Variants in PDK1 observed in about 807,000 individuals in gnomAD.
PDK1 encodes the protein [Pyruvate dehydrogenase (acetyl-transferring)] kinase isozyme 1, mitochondrial.
Under a neutral mutation model 54.2 loss-of-function variants are expected in PDK1, and 39 were observed. That is an observed-to-expected ratio of 0.72 (90% CI 0.56 to 0.94). The LOEUF (loss-of-function observed/expected upper bound fraction) is 0.94. Among genes scored for constraint, PDK1 ranks in the 40% least tolerant of loss-of-function variants. PDK1 has a pLI of 0.00. For missense variants in PDK1, 552 were observed against 566.0 expected (o/e 0.98, Z 0.25); for synonymous variants, 221 against 207.1 (o/e 1.07, Z -0.58).
Position 172,564,486 on chromosome 2 carries a change from C to A in PDK1, c.411-17C>A. 1 of 1,592,684 alleles carries A rather than the reference C, an allele frequency of 6.3e-7. No homozygotes were observed. The highest frequency in any genetic ancestry group is 8.6e-7 in the Non-Finnish European group (1 of 1,163,954). On this transcript the variant is annotated splice_polypyrimidine_tract_variant and intron_variant, in intron 3 of 10. Coordinates refer to ENST00000282077, the MANE Select transcript of PDK1 (RefSeq NM_002610.5). ...TTGTCAAAATATTTGGCTGTTTTGA[C>A]AGATGGGTTTGTTTAGCTTTACAGA...
chr2:172,700,325 G>C, the PDK1 span, among the ~76,000 whole-genome samples: 1 of 149,522 alleles, frequency 6.7e-6, no homozygotes, highest in South Asian at 2.1e-4. Context: ...CTTCCCAGAC[G>C]GGGCGGCCGG....
chr2:172,692,568 G>T, the PDK1 span, among the ~76,000 whole-genome samples: 4 of 152,286 alleles, frequency 2.6e-5, no homozygotes, highest in East Asian at 7.7e-4. Flanking sequence ...ATTACAAGCT[G>T]CTGAGCAAAG....
chr2:172,651,430 C>T, the PDK1 span, among the ~76,000 whole-genome samples: 1 of 152,072 alleles, frequency 6.6e-6, no homozygotes, highest in Admixed American at 6.6e-5. Context: ...GAAGCAAGAG[C>T]AAACACATTC....
chr2:172,702,122 G>A, the PDK1 span, among the ~76,000 whole-genome samples: 2 of 152,258 alleles, frequency 1.3e-5, no homozygotes, highest in Non-Finnish European at 2.9e-5. Flanking sequence ...ACTCAAAGAC[G>A]ACTGGCTTAC....
chr2:172,676,379 C>T, the PDK1 span, among the ~76,000 whole-genome samples: 4 of 152,138 alleles, frequency 2.6e-5, no homozygotes, highest in Non-Finnish European at 2.9e-5. Flanking sequence ...CCATTAAGAA[C>T]GTTAGTGATT....
At chr2:172,637,873 T>G in the PDK1 span, among the ~76,000 whole-genome samples, 4 of 152,088 alleles carry the variant, frequency 2.6e-5, no homozygotes, top group Non-Finnish European at 5.9e-5. Flanking sequence ...TTTTCTTGTA[T>G]TTTTAGTAGA....
At chr2:172,628,464 G>C in the PDK1 span, among the ~76,000 whole-genome samples, 6 of 151,906 alleles carry the variant, frequency 3.9e-5, no homozygotes, top group African/African-American at 1.5e-4. Context: ...TTTTCCCCTT[G>C]ATCCCTGCCC....
the PDK1 span, among the ~76,000 whole-genome samples, chr2:172,634,852 C>T: frequency 2.0e-5 from 3 of 151,602 alleles, no homozygotes; most frequent in East Asian, 1.9e-4. Flanking sequence ...GAAACTTTAC[C>T]CTTTTTATAT....
the PDK1 span, among the ~76,000 whole-genome samples, chr2:172,700,712 A>G: frequency 1.3e-5 from 2 of 152,202 alleles, no homozygotes; most frequent in African/African-American, 4.8e-5. Flanking sequence ...AGCCTGGGCA[A>G]CATTGAGCAC....
chr2:172,610,772 G>A (rs1159173904), downstream of PDK1, among the ~76,000 whole-genome samples: 6 of 152,030 alleles, frequency 3.9e-5, no homozygotes, highest in Non-Finnish European at 7.4e-5. Context: ...CATCATGCCC[G>A]GCTAATTTTT....
At chr2:172,705,519 A>G in the PDK1 span, among the ~76,000 whole-genome samples, 1 of 152,232 alleles carries the variant, frequency 6.6e-6, no homozygotes, top group Non-Finnish European at 1.5e-5. Flanking sequence ...TCGCTTTACC[A>G]TAATCCAGGC....
chr2:172,623,779 T>A, the PDK1 span, among the ~76,000 whole-genome samples: 6 of 151,782 alleles, frequency 4.0e-5, no homozygotes, highest in Non-Finnish European at 8.8e-5. Flanking sequence ...GAAAAAAAAA[T>A]GTGACATTCT....
the PDK1 span, among the ~76,000 whole-genome samples, chr2:172,722,764 AG>A: frequency 6.6e-6 from 1 of 152,184 alleles, no homozygotes; most frequent in Non-Finnish European, 1.5e-5. Flanking sequence ...TCCTAGAAAT[AG>A]TACCCAGATT....
intron 1 of PDK1, 45 bp downstream of exon 1, chr2:172,556,391 C>T: frequency 6.8e-6 from 9 of 1,318,840 alleles, no homozygotes; most frequent in South Asian, 2.0e-5. Flanking sequence ...CGGTCCCGGG[C>T]GGGGAGCTGC....
At chr2:172,615,908 T>A in the PDK1 span, among the ~76,000 whole-genome samples, 1 of 152,206 alleles carries the variant, frequency 6.6e-6, no homozygotes, top group Non-Finnish European at 1.5e-5. Context: ...CTACATTTAT[T>A]CAACAAACAT....
the PDK1 span, among the ~76,000 whole-genome samples, chr2:172,721,472 G>T: frequency 3.3e-5 from 5 of 152,068 alleles, no homozygotes; most frequent in African/African-American, 1.2e-4. Context: ...CAGGTAGCTG[G>T]GATTACAGGC....
At chr2:172,563,737 G>A (rs933268914) in intron 3 of PDK1, among the ~76,000 whole-genome samples, 9 of 152,114 alleles carry the variant, frequency 5.9e-5, no homozygotes, top group Admixed American at 4.6e-4. Context: ...GGAAGGCTGA[G>A]GCAGTAGAAT....
chr2:172,649,002 A>C, the PDK1 span, among the ~76,000 whole-genome samples: 1 of 152,206 alleles, frequency 6.6e-6, no homozygotes, highest in Non-Finnish European at 1.5e-5. Context: ...CCCAGCACGG[A>C]GTTTGAGATC....
the PDK1 span, among the ~76,000 whole-genome samples, chr2:172,641,603 G>A: frequency 2.0e-5 from 3 of 152,000 alleles, no homozygotes; most frequent in South Asian, 2.1e-4. Flanking sequence ...CACCACGCCC[G>A]GCTAATTTTT....
Sources: gnomAD v4.1 joint callset for allele counts (sites outside exome capture counted in the v4.1 genomes callset) on GRCh38, gnomAD v4.1.1 for gene constraint, MANE v1.5 for transcripts, NCBI Gene and HGNC (gene_info 2026-07-23, HGNC 2026-07-21) for gene names.